The following FRMPD4 variants were observed in gnomAD, a reference collection of about 807,000 sequenced individuals.
The protein encoded by FRMPD4 is FERM and PDZ domain-containing protein 4.
In FRMPD4, 22 loss-of-function variants were observed where a neutral mutation model predicts 94.1. That is an observed-to-expected ratio of 0.23 (90% CI 0.17 to 0.33). The LOEUF (loss-of-function observed/expected upper bound fraction) is 0.33, where lower values mean the gene tolerates loss of function less well. Among genes scored for constraint, FRMPD4 ranks in the 10% least tolerant of loss-of-function variants. FRMPD4 has a pLI of 1.00. For missense variants in FRMPD4, 1,111 were observed against 1,339.9 expected (o/e 0.83, Z 2.67); for synonymous variants, 631 against 548.6 (o/e 1.15, Z -2.10).
At chrX:12,378,773 C>G (rs2056277060) in intron 1 of FRMPD4, among the ~76,000 whole-genome samples, 1 of 112,197 alleles carries the variant, frequency 8.9e-6, no homozygotes, top group African/African-American at 3.2e-5. Context: ...TCAGAAGTTA[C>G]TTTTCCACAT....
intron 1 of FRMPD4, among the ~76,000 whole-genome samples, chrX:12,271,981 C>A (rs1442859869): frequency 8.9e-6 from 1 of 112,118 alleles, no homozygotes; most frequent in African/African-American, 3.2e-5. Context: ...TTATTAGAGG[C>A]AGCACTGTAT....
intron 1 of FRMPD4, among the ~76,000 whole-genome samples, chrX:12,334,338 G>A (rs1009624175): frequency 9.0e-6 from 1 of 111,044 alleles, no homozygotes; most frequent in African/African-American, 3.3e-5. Flanking sequence ...TCTCGGATTC[G>A]TGTCAGGGCC....
chrX:12,038,945 G>T (rs1232786311), intron 3 of FRMPD4, among the ~76,000 whole-genome samples: 1 of 107,449 alleles, frequency 9.3e-6, no homozygotes. Flanking sequence ...CTTCCTGTTT[G>T]CTTTGTCTCT....
intron 1 of FRMPD4, among the ~76,000 whole-genome samples, chrX:12,253,036 A>C (rs1014806390): frequency 1.8e-5 from 2 of 112,445 alleles, no homozygotes; most frequent in Non-Finnish European, 3.8e-5. Context: ...TGGAAAAGAC[A>C]CAAAAAAATG....
At chrX:12,188,579 A>C (rs2056452535) in intron 1 of FRMPD4, among the ~76,000 whole-genome samples, 1 of 112,120 alleles carries the variant, frequency 8.9e-6, no homozygotes, top group South Asian at 3.7e-4. Flanking sequence ...TTAACTGAGC[A>C]CAGAATGACA....
chrX:12,319,935 C>T (rs1199565231), intron 1 of FRMPD4, among the ~76,000 whole-genome samples: 1 of 111,695 alleles, frequency 9.0e-6, no homozygotes, highest in Non-Finnish European at 1.9e-5. Flanking sequence ...TGGCCATGGT[C>T]GATTTCTTTT....
chrX:12,332,058 G>A lies in FRMPD4; in HGVS notation c.42-166622G>A, dbSNP rs867222053. ...TTTATATACTATATATAAATTATAT[G>A]TAATATATAATTTATATTATATATA... On this transcript the variant is annotated intron_variant, in intron 1 of 16. Transcript: ENST00000675598. Among the ~76,000 whole-genome samples, 133 of 60,209 alleles carry A rather than the reference G, an allele frequency of 2.2e-3. 19 individuals are homozygous for A. The highest frequency in any genetic ancestry group is 7.9e-3 in the African/African-American group (109 of 13,813). 52.3% of individuals were successfully genotyped at this position (60,209 alleles called of 115,157 possible).
At chrX:12,125,427 G>A (rs708466) in intron 3 of FRMPD4, among the ~76,000 whole-genome samples, 33,266 of 111,003 alleles carry the variant, frequency 0.3, 3,922 homozygotes, top group African/African-American at 0.45. Flanking sequence ...AACCCATAAA[G>A]TGATGCCCAA....
intron 4 of FRMPD4, among the ~76,000 whole-genome samples, chrX:12,665,757 C>G (rs1331197007): frequency 8.9e-6 from 1 of 111,971 alleles, no homozygotes; most frequent in Non-Finnish European, 1.9e-5. Context: ...GCCTGCCTTA[C>G]AAGAGCTCCT....
chrX:12,165,187 A>C (rs1309507062), intron 1 of FRMPD4, among the ~76,000 whole-genome samples: 3 of 112,316 alleles, frequency 2.7e-5, no homozygotes, highest in Non-Finnish European at 5.6e-5. Flanking sequence ...TTTTAGGTCT[A>C]ACATGTAAGT....
At chrX:11,866,526 C>A (rs1009680911) in intron 2 of FRMPD4, among the ~76,000 whole-genome samples, 1 of 111,680 alleles carries the variant, frequency 9.0e-6, no homozygotes, top group African/African-American at 3.3e-5. Flanking sequence ...GGTCTTCAAG[C>A]TTACTTGTTC....
At chrX:12,181,238 A>G (rs775041213) in intron 1 of FRMPD4, among the ~76,000 whole-genome samples, 8 of 112,003 alleles carry the variant, frequency 7.1e-5, no homozygotes, top group Non-Finnish European at 1.3e-4. Context: ...AAGACCTGTC[A>G]TGTGGCAGGA....
intron 3 of FRMPD4, among the ~76,000 whole-genome samples, chrX:12,072,350 C>T (rs190930631): frequency 9.8e-5 from 11 of 112,143 alleles, no homozygotes; most frequent in African/African-American, 3.6e-4. Context: ...CAATATATTG[C>T]TACTGAATTT....
chrX:12,528,886 A>T (rs1483020085), intron 2 of FRMPD4, among the ~76,000 whole-genome samples: 4 of 112,367 alleles, frequency 3.6e-5, no homozygotes, highest in Admixed American at 9.4e-5. Flanking sequence ...TTGACATTTA[A>T]CCTGGTATTC....
intron 3 of FRMPD4, among the ~76,000 whole-genome samples, chrX:12,102,752 G>A (rs1429031743): frequency 9.1e-6 from 1 of 110,059 alleles, no homozygotes; most frequent in African/African-American, 3.3e-5. Flanking sequence ...ATGAATTCCT[G>A]GAAATTAAAT....
intron 3 of FRMPD4, among the ~76,000 whole-genome samples, chrX:11,922,381 AGCACCAACAG>A (rs1468388748): frequency 9.0e-6 from 1 of 111,598 alleles, no homozygotes; most frequent in Non-Finnish European, 1.9e-5. Flanking sequence ...TCACAAGGAC[AGCACCAACAG>A]GATGGTGCTA....
At chrX:12,203,285 G>A (rs916750151) in intron 1 of FRMPD4, among the ~76,000 whole-genome samples, 3 of 111,935 alleles carry the variant, frequency 2.7e-5, no homozygotes, top group African/African-American at 9.7e-5. Context: ...GGGAGTCAAA[G>A]TCAAGGATAC....
chrX:12,299,831 GAGA>G (rs1288900506), intron 1 of FRMPD4, among the ~76,000 whole-genome samples: 6 of 112,248 alleles, frequency 5.3e-5, no homozygotes, highest in Non-Finnish European at 1.1e-4. Flanking sequence ...GGGAACACAG[GAGA>G]AGAAGAGGAT....
intron 4 of FRMPD4, among the ~76,000 whole-genome samples, chrX:12,669,539 G>C (rs926867150): frequency 2.7e-5 from 3 of 112,175 alleles, no homozygotes; most frequent in Admixed American, 9.4e-5. Context: ...AACTGATAAA[G>C]CTAATGTCTA....
Sources: gnomAD v4.1 joint callset for allele counts (sites outside exome capture counted in the v4.1 genomes callset) on GRCh38, gnomAD v4.1.1 for gene constraint, MANE v1.5 for transcripts, NCBI Gene and HGNC (gene_info 2026-07-23, HGNC 2026-07-21) for gene names.